DDIAS: variants seen among roughly 807,000 people sequenced by gnomAD.
DDIAS encodes DNA damage induced apoptosis suppressor.
DDIAS carries 14 observed loss-of-function variants against 15.7 expected under a neutral mutation model. That is an observed-to-expected ratio of 0.89 (90% CI 0.59 to 1.39). DDIAS has a LOEUF of 1.39. Ranked by LOEUF, DDIAS falls within the 40% of genes most tolerant of loss-of-function variation. The pLI, the probability that DDIAS is intolerant of heterozygous loss-of-function variation, is 0.00. For synonymous variants in DDIAS, 355 were observed against 395.9 expected (o/e 0.90, Z 1.23); for missense variants, 1,035 against 1,130.9 (o/e 0.92, Z 1.22).
In DDIAS at chr11:82,931,302, A is replaced by G. The variant is rs79405514; in HGVS notation, c.394-430A>G. On this transcript the variant is annotated intron_variant, in intron 5 of 5. Coordinates refer to ENST00000533655, the MANE Select transcript of DDIAS (RefSeq NM_145018.4). ...TAAAACTAACAGAATCGAAATTGGA[A>G]TTGGGGGATGGAGGTAATAGTTGTA... Among the ~76,000 whole-genome samples, 719 of 152,248 alleles carry G rather than the reference A, an allele frequency of 4.7e-3. 18 individuals are homozygous for G. The East Asian group carries it at 0.048, about 10-fold the overall frequency.
At chr11:82,928,382 G>A (rs957491677) in intron 3 of DDIAS, among the ~76,000 whole-genome samples, 3 of 151,376 alleles carry the variant, frequency 2.0e-5, no homozygotes, top group African/African-American at 7.3e-5. Flanking sequence ...TGTATTTTTA[G>A]TAGAGACAGG....
At chr11:82,914,658 A>G in intron 2 of DDIAS, 65 bp from the exon 3 acceptor site, 3 of 774,918 alleles carry the variant, frequency 3.9e-6, no homozygotes, top group Non-Finnish European at 6.4e-6. Context: ...TGGTTTTCCT[A>G]AGAAAAGAAT....
intron 1 of DDIAS, among the ~76,000 whole-genome samples, chr11:82,903,851 G>A (rs1860375773): frequency 6.6e-6 from 1 of 152,214 alleles, no homozygotes; most frequent in Admixed American, 6.5e-5. Context: ...AAGGCAAGAA[G>A]GGTTTGGAGA....
Position 82,932,202 on chromosome 11 carries a change from C to T in DDIAS, c.864C>T (p.Cys288=). ...CAGAGGCCACTGGTTCCAGTAGCTG[C>T]CATGATCCCATTCAGGATTCATGGA... ...SIAEATGSSS[C]HDPIQDSWSL... The change falls in exon 6 of 6, where the codon TGC becomes TGT. Residue 288 remains cysteine (C), a synonymous_variant. Coordinates refer to ENST00000533655, the MANE Select transcript of DDIAS (RefSeq NM_145018.4). 1 of 1,614,104 alleles carries T rather than the reference C, an allele frequency of 6.2e-7. No homozygotes were observed. The highest frequency in any genetic ancestry group is 8.5e-7 in the Non-Finnish European group (1 of 1,180,012).
chr11:82,931,797 C>T lies in DDIAS; in HGVS notation c.459C>T (p.His153=). ...ASNFLQQCSD[H]KRKAKALVAC... The stretch of plus-strand genomic sequence containing the variant: ...ACTTCTTACAGCAATGCTCTGACCA[C>T]AAAAGAAAAGCCAAAGCACTAGTGG... The change falls in exon 6 of 6, where the codon CAC becomes CAT. Residue 153 remains histidine (H), a synonymous_variant. Coordinates refer to ENST00000533655, the MANE Select transcript of DDIAS (RefSeq NM_145018.4). The T allele has an allele frequency of 6.2e-7, 1 of 1,614,202 alleles. No homozygotes were observed. The highest frequency in any genetic ancestry group is 8.5e-7 in the Non-Finnish European group (1 of 1,180,026).
intron 3 of DDIAS, among the ~76,000 whole-genome samples, chr11:82,927,089 A>C (rs1053740826): frequency 3.3e-5 from 5 of 152,210 alleles, no homozygotes; most frequent in African/African-American, 1.2e-4. Flanking sequence ...TAATTTCCCC[A>C]TTTGTAAATT....
At chr11:82,908,861 A>G (rs1441594475) in intron 1 of DDIAS, among the ~76,000 whole-genome samples, 1 of 152,228 alleles carries the variant, frequency 6.6e-6, no homozygotes, top group African/African-American at 2.4e-5. Flanking sequence ...TAACTTTGAA[A>G]TGACCAAGCT....
rs754322803 is a variant in DDIAS, at chr11:82,934,238, C to A, written c.2900C>A (p.Ser967Tyr). 2 of 1,614,006 alleles carry A rather than the reference C, an allele frequency of 1.2e-6. No homozygotes were observed. The highest frequency in any genetic ancestry group is 1.7e-6 in the Non-Finnish European group (2 of 1,179,954). Reference sequence around the variant, plus strand: ...CTGCACCCTATTCTTGGACCTGATTCTTGTTCAGAAGTCAAATGTTGCCTT... The same window carrying A: ...CTGCACCCTATTCTTGGACCTGATTATTGTTCAGAAGTCAAATGTTGCCTT... ...PQLHPILGPD[S>Y]CSEVKCCLPF... is the part of the protein sequence containing the mutation. Residue 967 changes from serine to tyrosine, a missense_variant, in exon 6 of 6, where the codon TCT becomes TAT. Ser to Tyr is a moderately radical substitution (Grantham distance 144). Transcript: ENST00000533655.
chr11:82,908,249 G>T (rs1860468173), intron 1 of DDIAS, among the ~76,000 whole-genome samples: 1 of 152,224 alleles, frequency 6.6e-6, no homozygotes, highest in South Asian at 2.1e-4. Flanking sequence ...GCAGAAAGAA[G>T]GCCAGCATGG....
chr11:82,913,756 T>C, intron 2 of DDIAS: 2 of 429,762 alleles, frequency 4.7e-6, no homozygotes, highest in Non-Finnish European at 9.1e-6. Flanking sequence ...TGTAAGTTCA[T>C]GTACACATTG....
At chr11:82,912,404 G>A (rs151181097) in intron 1 of DDIAS, among the ~76,000 whole-genome samples, 251 of 152,222 alleles carry the variant, frequency 1.6e-3, no homozygotes, top group African/African-American at 5.8e-3. Flanking sequence ...GCTTTACCTT[G>A]CAGCAAGTTA....
intron 3 of DDIAS, 137 bp downstream of exon 3, chr11:82,914,988 A>G (rs940211218): frequency 3.5e-6 from 2 of 568,732 alleles, no homozygotes; most frequent in Non-Finnish European, 5.9e-6. Context: ...TGTAAATCCC[A>G]GAACAGATTT....
chr11:82,905,829 G>A (rs1185915548), intron 1 of DDIAS, among the ~76,000 whole-genome samples: 1 of 152,092 alleles, frequency 6.6e-6, no homozygotes, highest in Admixed American at 6.5e-5. Flanking sequence ...TATTAAATTG[G>A]GATATGGTTT....
chr11:82,930,254 A>C lies in DDIAS; in HGVS notation c.373A>C (p.Ser125Arg). Residue 125 changes from serine to arginine, a missense_variant, in exon 5 of 6, where the codon AGC becomes CGC. Physicochemically the swap from Ser to Arg is moderately radical, Grantham distance 110. Coordinates refer to ENST00000533655, the MANE Select transcript of DDIAS (RefSeq NM_145018.4). ...AGTTGAAACTTGCTTTGTTGGACAA[A>C]GCTTTATTTTTGGAGTGACGGTAAT... ...KAVETCFVGQ[S>R]FIFGVTNFEN... The C allele has an allele frequency of 1.3e-6, 2 of 1,583,210 alleles. No homozygotes were observed. The highest frequency in any genetic ancestry group is 1.7e-6 in the Non-Finnish European group (2 of 1,157,362).
rs201249096 is a variant in DDIAS at position 82,934,148 on chromosome 11, A to C, written c.2810A>C (p.Tyr937Ser). The C allele has an allele frequency of 6.2e-7, 1 of 1,612,802 alleles. No individual in the cohort carries two copies. Residue 937 changes from tyrosine to serine, a missense_variant, in exon 6 of 6, where the codon TAT (tyrosine) becomes TCT (serine). Coordinates refer to ENST00000533655, the MANE Select transcript of DDIAS (RefSeq NM_145018.4). ...GTTACGAAAAAGAAAACTCATAAAT[A>C]TAACTGTAAAAGTTCAGGCTGGATT... ...AVVTKKKTHK[Y>S]NCKSSGWISK...
chr11:82,905,176 C>T (rs1860401798), intron 1 of DDIAS, among the ~76,000 whole-genome samples: 1 of 152,164 alleles, frequency 6.6e-6, no homozygotes, highest in South Asian at 2.1e-4. Flanking sequence ...GGACATTGAC[C>T]TAGGTAATCC....
At chr11:82,903,224 A>G (rs1180141634) in intron 1 of DDIAS, among the ~76,000 whole-genome samples, 1 of 152,268 alleles carries the variant, frequency 6.6e-6, no homozygotes, top group Admixed American at 6.5e-5. Context: ...AGGTTAATCC[A>G]GCACCATAAA....
At chr11:82,908,645 C>A (rs1401937920) in intron 1 of DDIAS, among the ~76,000 whole-genome samples, 1 of 152,192 alleles carries the variant, frequency 6.6e-6, no homozygotes, top group Non-Finnish European at 1.5e-5. Context: ...ACTTAAAGTT[C>A]CACCTCACCA....
chr11:82,928,177 CTTTTTTTTTTTTTTTTTTTTTT>C lies in DDIAS; in HGVS notation c.114-582_114-561del, dbSNP rs541845327. The stretch of plus-strand genomic sequence containing the variant: ...ATATTTTGAGATTATTTTTTGTCCT[CTTTTTTTTTTTTTTTTTTTTTT>C]TTTTTTTTTTTTTTTTTGAGACGGA... On this transcript the variant is annotated intron_variant, in intron 3 of 5. Transcript: ENST00000533655. Among the ~76,000 whole-genome samples, 25 of 34,208 alleles carry C rather than the reference CTTTTTTTTTTTTTTTTTTTTTT, an allele frequency of 7.3e-4. 1 individual carries two copies. The highest frequency in any genetic ancestry group is 2.8e-3 in the South Asian group (2 of 708). The allele number at this position is 34,208 out of a possible 152,430, so 22.4% of individuals were successfully genotyped here. A position where few individuals can be genotyped will look rare whatever the true frequency, so the allele number is the denominator to read the frequency against.
Sources: allele counts gnomAD v4.1 joint callset (sites outside exome capture counted in the v4.1 genomes callset), GRCh38; gene constraint gnomAD v4.1.1; transcripts MANE v1.5; gene names NCBI Gene and HGNC (gene_info 2026-07-23, HGNC 2026-07-21).